The following CATSPERB variants were observed in gnomAD, a reference collection of about 807,000 sequenced individuals.
CATSPERB encodes the protein catsper channel auxiliary subunit beta, also known as cation channel sperm-associated auxiliary subunit beta.
Under a neutral mutation model 128.3 loss-of-function variants are expected in CATSPERB, and 93 were observed. The observed-to-expected ratio is 0.72, with a 90% CI of 0.61 to 0.86. CATSPERB has a LOEUF of 0.86. CATSPERB is among the 40% of genes least tolerant of loss of function. The pLI is 0.00. For synonymous variants in CATSPERB, 381 were observed against 448.8 expected (o/e 0.85, Z 1.91); for missense variants, 1,153 against 1,329.5 (o/e 0.87, Z 2.06).
rs1274369599 is a variant in CATSPERB at position 91,687,630 on chromosome 14, G to A, written c.865-3687C>T. ...AGTCTATGGTAATTTTGTTATAGCA[G>A]CCCACATTGGCTAAGATGTCTCTGT... On this transcript the variant is annotated intron_variant, in intron 10 of 26. Transcript: ENST00000256343. Among the ~76,000 whole-genome samples the A allele has an allele frequency of 2.0e-5, 3 of 152,070 alleles. No homozygotes were observed. The East Asian group carries it at 5.8e-4, about 29-fold the overall frequency.
At chr14:91,595,386 C>A (rs1263736377) in intron 22 of CATSPERB, among the ~76,000 whole-genome samples, 2 of 151,900 alleles carry the variant, frequency 1.3e-5, no homozygotes, top group African/African-American at 2.4e-5. Context: ...CCAGGATGGT[C>A]TCAATCTCCT....
intron 20 of CATSPERB, among the ~76,000 whole-genome samples, chr14:91,617,232 A>C (rs2139783561): frequency 6.6e-6 from 1 of 152,314 alleles, no homozygotes; most frequent in Admixed American, 6.5e-5. Flanking sequence ...TGAACCTATT[A>C]AATTGCCAAG....
intron 1 of CATSPERB, among the ~76,000 whole-genome samples, chr14:91,730,490 T>C (rs1896193607): frequency 6.6e-6 from 1 of 152,202 alleles, no homozygotes; most frequent in Non-Finnish European, 1.5e-5. Flanking sequence ...TATGGGCCTT[T>C]GTTATGGCAG....
chr14:91,690,796 G>C (rs1271051838), intron 10 of CATSPERB, among the ~76,000 whole-genome samples: 1 of 152,264 alleles, frequency 6.6e-6, no homozygotes, highest in African/African-American at 2.4e-5. Context: ...CACAGTCCAA[G>C]ATAAAGGTGC....
chr14:91,592,464 T>C (rs1460596411), intron 22 of CATSPERB: 1 of 162,880 alleles, frequency 6.1e-6, no homozygotes, highest in Non-Finnish European at 1.3e-5. Context: ...ATCTGCCCAT[T>C]TGTCATTCAT....
In CATSPERB at chr14:91,691,523, C is replaced by A. The variant is rs755563961; in HGVS notation, c.864G>T (p.Arg288Ser). 2 of 1,601,410 alleles carry A rather than the reference C, an allele frequency of 1.2e-6. No homozygotes were observed. Among genetic ancestry groups the A allele is most frequent in the South Asian group, 2.3e-5 (2 of 88,386 alleles). Residue 288 changes from arginine (R) to serine (S), a missense_variant and splice_region_variant, in exon 10 of 27, where the codon AGG (arginine) becomes AGT (serine). Physicochemically the swap from Arg to Ser is moderately radical, Grantham distance 110. Transcript: ENST00000256343. ...FSRADFCGFE[R>S]VDYVKGKLWY... ...CCCTGGGAAATATAAAGCTTCTTAC[C>A]CTTTCAAAACCACAAAAGTCTGCCC...
intron 17 of CATSPERB, 31 bp downstream of exon 17, chr14:91,636,394 A>G: frequency 6.2e-7 from 1 of 1,601,562 alleles, no homozygotes; most frequent in Non-Finnish European, 8.5e-7. Context: ...CTAGAAACCA[A>G]TATGCCATCT....
intron 24 of CATSPERB, among the ~76,000 whole-genome samples, chr14:91,589,058 G>A (rs1190510121): frequency 6.6e-6 from 1 of 152,110 alleles, no homozygotes; most frequent in African/African-American, 2.4e-5. Flanking sequence ...AAGTGAATAG[G>A]GGTAAACATC....
chr14:91,707,919 T>C (rs761306549), intron 6 of CATSPERB, among the ~76,000 whole-genome samples: 2 of 152,106 alleles, frequency 1.3e-5, no homozygotes, highest in Non-Finnish European at 2.9e-5. Flanking sequence ...TATTTCCACA[T>C]TTCTATAGCA....
intron 10 of CATSPERB, among the ~76,000 whole-genome samples, chr14:91,687,734 C>T (rs1474765028): frequency 2.0e-5 from 3 of 152,224 alleles, no homozygotes; most frequent in Admixed American, 2.0e-4. Context: ...GTGGGTAGAT[C>T]ACTTGAGGTC....
intron 12 of CATSPERB, among the ~76,000 whole-genome samples, chr14:91,673,872 ACT>A (rs1202433380): frequency 1.5e-5 from 2 of 137,474 alleles, no homozygotes; most frequent in African/African-American, 5.3e-5. Context: ...ACAGAGCGAG[ACT>A]CTGTCTCAAA....
intron 14 of CATSPERB, among the ~76,000 whole-genome samples, chr14:91,663,247 T>C (rs1381171121): frequency 6.6e-6 from 1 of 152,236 alleles, no homozygotes; most frequent in Non-Finnish European, 1.5e-5. Context: ...GGTGAGATTT[T>C]GGCCCATATC....
chr14:91,625,415 G>C (rs369085313), intron 17 of CATSPERB, among the ~76,000 whole-genome samples: 2 of 151,934 alleles, frequency 1.3e-5, no homozygotes, highest in East Asian at 3.9e-4. Flanking sequence ...AGAGGGGTGG[G>C]GGAGAAAGCT....
intron 22 of CATSPERB, chr14:91,604,778 T>C (rs1893668843): frequency 6.2e-7 from 1 of 1,612,898 alleles, no homozygotes; most frequent in East Asian, 2.2e-5. Context: ...TCCCCAGTGG[T>C]AGGAAGAGTA....
chr14:91,712,277 T>A (rs1348299773), intron 5 of CATSPERB, among the ~76,000 whole-genome samples: 1 of 152,190 alleles, frequency 6.6e-6, no homozygotes, highest in African/African-American at 2.4e-5. Flanking sequence ...AAACAAGAGT[T>A]AAGTTTCTAT....
At chr14:91,669,591 T>C (rs980019690) in intron 14 of CATSPERB, among the ~76,000 whole-genome samples, 13 of 152,250 alleles carry the variant, frequency 8.5e-5, no homozygotes, top group African/African-American at 3.1e-4. Flanking sequence ...CTAACTCTGA[T>C]GTACCCATGG....
chr14:91,721,674 C>G (rs539448142), intron 4 of CATSPERB, among the ~76,000 whole-genome samples: 3 of 151,974 alleles, frequency 2.0e-5, no homozygotes, highest in Admixed American at 2.0e-4. Context: ...AAGGTGAAAC[C>G]CTGTTCTCTA....
intron 26 of CATSPERB, among the ~76,000 whole-genome samples, chr14:91,581,816 TTA>T (rs1278648116): frequency 6.6e-6 from 1 of 152,204 alleles, no homozygotes; most frequent in African/African-American, 2.4e-5. Context: ...AAGCCCAGGC[TTA>T]TGTTTCCTTT....
rs747811610 is a variant in CATSPERB at position 91,617,735 on chromosome 14, A to G, written c.2262T>C (p.Gly754=). ...GTAGTGGTATTTCAAGCATTCGAAA[A>G]CCTATGGAAACAAGGTTAACAGTTA... The part of the protein sequence containing the change: ...LKAKVIRNAK[G]FRMLEIPLLT... The change falls in exon 20 of 27, where the codon GGT becomes GGC. Residue 754 remains glycine, a splice_region_variant and synonymous_variant. Coordinates refer to ENST00000256343, the MANE Select transcript of CATSPERB (RefSeq NM_024764.4). The G allele has an allele frequency of 4.6e-5, 73 of 1,590,596 alleles. No individual in the cohort carries two copies. Among genetic ancestry groups the G allele is most frequent in the Non-Finnish European group, 2.6e-5 (30 of 1,170,500 alleles).
Sources: allele counts gnomAD v4.1 joint callset (sites outside exome capture counted in the v4.1 genomes callset), GRCh38; gene constraint gnomAD v4.1.1; transcripts MANE v1.5; gene names NCBI Gene and HGNC (gene_info 2026-07-23, HGNC 2026-07-21).